POU1F1: variants seen among roughly 807,000 people sequenced by gnomAD.
The protein encoded by POU1F1 is pituitary-specific positive transcription factor 1.
A neutral mutation model predicts 32.3 loss-of-function variants in POU1F1; 23 were observed. That is an observed-to-expected ratio of 0.71 (90% CI 0.51 to 1.01). The LOEUF (loss-of-function observed/expected upper bound fraction) is 1.01. Among genes scored for constraint, POU1F1 ranks in the 50% least tolerant of loss-of-function variants. The pLI is 0.00. For missense variants in POU1F1, 323 were observed against 341.6 expected (o/e 0.95, Z 0.43); for synonymous variants, 120 against 115.6 (o/e 1.04, Z -0.25).
Position 87,276,415 on chromosome 3 carries a change from A to G in POU1F1, c.48T>C (p.Asn16=), listed in dbSNP as rs1706827554. The change falls in exon 1 of 6, where the codon AAT becomes AAC. Residue 16 remains asparagine, a synonymous_variant. Coordinates refer to ENST00000350375, the MANE Select transcript of POU1F1 (RefSeq NM_000306.4). ...FTSADTFIPL[N]SDASATLPLI... is the part of the protein sequence containing the mutation. ...GAGGCAGAGTTGCAGAGGCGTCAGAATTCAGAGGTATAAAGGTATCAGCCG... is the reference window on the plus strand; with the variant it reads ...GAGGCAGAGTTGCAGAGGCGTCAGAGTTCAGAGGTATAAAGGTATCAGCCG... 6.2e-7 allele frequency: 1 copy of G among 1,614,000 alleles called. No homozygotes were observed. Among genetic ancestry groups the G allele is most frequent in the Non-Finnish European group, 8.5e-7 (1 of 1,179,932 alleles).
intron 3 of POU1F1, 39 bp from the exon 4 acceptor site, chr3:87,262,274 C>T (rs1706528712): frequency 1.9e-6 from 3 of 1,611,866 alleles, no homozygotes; most frequent in Admixed American, 1.7e-5. Flanking sequence ...TCCAACTTTC[C>T]AGGAAATGTT....
intron 2 of POU1F1, among the ~76,000 whole-genome samples, chr3:87,269,512 A>C (rs1345068430): frequency 2.6e-5 from 4 of 152,186 alleles, no homozygotes; most frequent in African/African-American, 7.2e-5. Context: ...TTAGGGCCAA[A>C]TAAAACAAAG....
At chr3:87,272,801 C>A (rs972126660) in intron 2 of POU1F1, among the ~76,000 whole-genome samples, 10 of 152,112 alleles carry the variant, frequency 6.6e-5, no homozygotes, top group Non-Finnish European at 4.4e-5. Flanking sequence ...TAGCTTCAAT[C>A]AATGTCTTAT....
intron 5 of POU1F1, among the ~76,000 whole-genome samples, chr3:87,261,058 C>T (rs797004826): frequency 6.6e-6 from 1 of 151,872 alleles, no homozygotes. Context: ...TTATAGGCAC[C>T]CACCACCATG....
chr3:87,271,303 G>T (rs1706717050), intron 2 of POU1F1, among the ~76,000 whole-genome samples: 1 of 152,112 alleles, frequency 6.6e-6, no homozygotes, highest in African/African-American at 2.4e-5. Flanking sequence ...AAGCAGTAAG[G>T]GTGTTAGAAT....
chr3:87,262,275 A>G (rs201855250), intron 3 of POU1F1, 40 bp from the exon 4 acceptor site: 1 of 1,611,744 alleles, frequency 6.2e-7, no homozygotes, highest in East Asian at 2.2e-5. Flanking sequence ...CCAACTTTCC[A>G]GGAAATGTTA....
intron 3 of POU1F1, among the ~76,000 whole-genome samples, chr3:87,263,018 T>C (rs1402295881): frequency 6.6e-6 from 1 of 152,184 alleles, no homozygotes; most frequent in African/African-American, 2.4e-5. Context: ...TATAAAATGG[T>C]TGCATATGAT....
intron 2 of POU1F1, among the ~76,000 whole-genome samples, chr3:87,273,077 T>C (rs1230390201): frequency 6.6e-6 from 1 of 152,128 alleles, no homozygotes; most frequent in Admixed American, 6.6e-5. Context: ...AACTAACAGT[T>C]TGACGATAGT....
chr3:87,261,303 T>A lies in POU1F1; in HGVS notation c.635A>T (p.Glu212Val). 6.3e-7 allele frequency: 1 copy of A among 1,592,254 alleles called. No homozygotes were observed. Among genetic ancestry groups the A allele is most frequent in the Non-Finnish European group, 8.6e-7 (1 of 1,164,496 alleles). ...ALYNEKVGAN[E>V]RKRKRRTTIS... ...AGTTGTTCTTCGTTTTCTTTTCCTT[T>A]CATTTGCTCCCACTTTTTCATTGTA... The change falls in exon 5 of 6, where the codon GAA becomes GTA. Residue 212 changes from glutamate to valine, a missense_variant. Glu to Val is a moderately radical substitution (Grantham distance 121). Transcript: ENST00000350375.
chr3:87,270,511 TGC>T (rs1310497507), intron 2 of POU1F1, among the ~76,000 whole-genome samples: 1 of 152,172 alleles, frequency 6.6e-6, no homozygotes, highest in Non-Finnish European at 1.5e-5. Flanking sequence ...TTTAATGAAA[TGC>T]TCAAACTAAA....
chr3:87,265,644 A>C (rs962428841), intron 2 of POU1F1, among the ~76,000 whole-genome samples: 1 of 152,052 alleles, frequency 6.6e-6, no homozygotes, highest in Non-Finnish European at 1.5e-5. Context: ...ACACTTAAAA[A>C]ATAAAGTAAA....
Position 87,262,104 on chromosome 3 carries a change from A to G in POU1F1, c.571T>C (p.Ser191Pro). The stretch of plus-strand genomic sequence containing the variant: ...TGCTCAGCTTCCTCCAGCCATTTGG[A>G]TAATATTGCTTTCAGTTTGCATGCA... ...KNACKLKAIL[S>P]KWLEEAEQVG... Residue 191 changes from serine (S) to proline (P), a missense_variant, in exon 4 of 6, where the codon TCC (serine) becomes CCC (proline). By Grantham distance (74) the Ser-to-Pro change is moderately conservative. Transcript: ENST00000350375. The G allele has an allele frequency of 6.2e-7, 1 of 1,614,090 alleles. No homozygotes were observed. The highest frequency in any genetic ancestry group is 8.5e-7 in the Non-Finnish European group (1 of 1,179,986).
rs566989622 is a variant in POU1F1 at position 87,259,694 on chromosome 3, G to A, written c.*200C>T. The A allele has an allele frequency of 3.5e-6, 2 of 571,094 alleles. No homozygotes were observed. Among genetic ancestry groups the A allele is most frequent in the East Asian group, 3.1e-5 (1 of 32,194 alleles). 35.4% of individuals were successfully genotyped at this position (571,094 alleles called of 1,614,324 possible). A position where few individuals can be genotyped will look rare whatever the true frequency, so the allele number is the denominator to read the frequency against. On this transcript the variant is annotated 3_prime_UTR_variant, in exon 6 of 6. Transcript: ENST00000350375. ...GCTTAAAATAGATAATGTGGCTTCT[G>A]AGAATAATTATTTTAAGTAAATAAC...
chr3:87,266,488 A>G (rs1469790719), intron 2 of POU1F1, among the ~76,000 whole-genome samples: 3 of 151,036 alleles, frequency 2.0e-5, no homozygotes, highest in East Asian at 1.9e-4. Flanking sequence ...TTAGCATAAC[A>G]TAAATTTATC....
At chr3:87,266,183 T>C (rs1023719432) in intron 2 of POU1F1, among the ~76,000 whole-genome samples, 1 of 148,156 alleles carries the variant, frequency 6.7e-6, no homozygotes, top group Admixed American at 6.8e-5. Flanking sequence ...TTTATATTTT[T>C]TATATAAAAA....
chr3:87,271,661 C>T (rs567462350), intron 2 of POU1F1, among the ~76,000 whole-genome samples: 1 of 152,156 alleles, frequency 6.6e-6, no homozygotes, highest in African/African-American at 2.4e-5. Flanking sequence ...AGTAGCTAAA[C>T]GCATTTATTT....
intron 2 of POU1F1, among the ~76,000 whole-genome samples, chr3:87,266,354 TA>T (rs1248152092): frequency 6.8e-6 from 1 of 147,150 alleles, no homozygotes; most frequent in Admixed American, 6.8e-5. Flanking sequence ...TATAAATGTG[TA>T]ATTATAAATA....
chr3:87,261,445 A>G (rs756693012), intron 4 of POU1F1, 112 bp from the exon 5 acceptor site: 2 of 842,988 alleles, frequency 2.4e-6, no homozygotes, highest in Non-Finnish European at 3.6e-6. Context: ...TAAAAATGCT[A>G]GACATTTTTG....
At chr3:87,264,186 ATGAGAATCATCT>A in intron 3 of POU1F1, 90 bp downstream of exon 3, 2 of 928,978 alleles carry the variant, frequency 2.2e-6, no homozygotes, top group Non-Finnish European at 3.5e-6. Flanking sequence ...GAGATGAAGA[ATGAGAATCATCT>A]TGTACTTTTT....
Sources: gnomAD v4.1 joint callset for allele counts (sites outside exome capture counted in the v4.1 genomes callset) on GRCh38, gnomAD v4.1.1 for gene constraint, MANE v1.5 for transcripts, NCBI Gene and HGNC (gene_info 2026-07-23, HGNC 2026-07-21) for gene names.